SMAD2: variants seen among roughly 807,000 people sequenced by gnomAD.
SMAD2 encodes MAD homolog 2.
SMAD2 carries 8 observed loss-of-function variants against 64.4 expected under a neutral mutation model. The ratio of observed to expected loss-of-function variants is 0.12; its 90% CI spans 0.07 to 0.22. The LOEUF is 0.22. Among genes scored for constraint, SMAD2 ranks in the 10% least tolerant of loss-of-function variants. The pLI is 1.00. For synonymous variants in SMAD2, 203 were observed against 195.8 expected, an observed-to-expected ratio of 1.04 and a Z score of -0.31; for missense variants, 289 against 561.2, an observed-to-expected ratio of 0.51 and a Z score of 4.90.
Position 47,856,882 on chromosome 18 carries a change from G to C in SMAD2, c.731-5555C>G, listed in dbSNP as rs999580701. On this transcript the variant is annotated intron_variant, in intron 6 of 10. Coordinates refer to ENST00000262160, the MANE Select transcript of SMAD2 (RefSeq NM_005901.6). ...TTTTTTTTTTTTTTTTTTTGAGACG[G>C]AGTCTCGCTCTGTCGCCCAGGCTGG... is the stretch of plus-strand genomic sequence containing the variant. Among the ~76,000 whole-genome samples, 5 of 141,180 alleles carry C rather than the reference G, an allele frequency of 3.5e-5. No homozygotes were observed. The Admixed American group carries it at 3.6e-4, about 10-fold the overall frequency. The allele number at this position is 141,180 out of a possible 152,430, so 92.6% of individuals were successfully genotyped here. A position where few individuals can be genotyped will look rare whatever the true frequency, so the allele number is the denominator to read the frequency against.
In SMAD2 at chr18:47,814,385, G is replaced by C. The variant is rs1005206927; in HGVS notation, c.*27442C>G. 1.3e-5 allele frequency: 2 copies of C among 152,174 alleles called. No individual in the cohort carries two copies. The highest frequency in any genetic ancestry group is 4.8e-5 in the African/African-American group (2 of 41,442). The allele number at this position is 152,174 out of a possible 1,614,324, so 9.4% of individuals were successfully genotyped here. Reference sequence around the variant, plus strand: ...AGACTTTACTGAGAATGAGAAGGGAGTTCTACATGCTAAGAGCTCCATTCA... The same window carrying C: ...AGACTTTACTGAGAATGAGAAGGGACTTCTACATGCTAAGAGCTCCATTCA... On this transcript the variant is annotated 3_prime_UTR_variant, in exon 11 of 11. Coordinates refer to ENST00000262160, the MANE Select transcript of SMAD2 (RefSeq NM_005901.6).
At position 47,867,732 on chromosome 18, in the gene SMAD2, T is replaced by C. The variant is rs184947683; in HGVS notation, c.655+591A>G. Among the ~76,000 whole-genome samples the C allele has an allele frequency of 2.7e-5, 4 of 150,600 alleles. No individual in the cohort carries two copies. The East Asian group carries it at 7.8e-4, about 29-fold the overall frequency. ...CGTGGAGTATTACTGGATCACATAA[T>C]ACATCAGAACAAAATTTGAGAACCA... On this transcript the variant is annotated intron_variant, in intron 5 of 10. Coordinates refer to ENST00000262160, the MANE Select transcript of SMAD2 (RefSeq NM_005901.6).
At chr18:47,928,458 A>C (rs4940102) in intron 1 of SMAD2, among the ~76,000 whole-genome samples, 72,236 of 152,012 alleles carry the variant, frequency 0.48, 17,584 homozygotes, top group East Asian at 0.63. Context: ...AGGGGACAAC[A>C]ACCTCTGGCC....
chr18:47,841,251 C>T lies in SMAD2; in HGVS notation c.*576G>A, dbSNP rs1334509226. On this transcript the variant is annotated 3_prime_UTR_variant, in exon 11 of 11. Transcript: ENST00000262160. ...TTCAAAAGTTAATCCACTTTTCTTC[C>T]CCCAAGAGTTTATTTTTGGTAAAAG... 1 of 233,182 alleles carries T rather than the reference C, an allele frequency of 4.3e-6. No individual in the cohort carries two copies. Among genetic ancestry groups the T allele is most frequent in the African/African-American group, 2.2e-5 (1 of 45,204 alleles). 14.4% of individuals were successfully genotyped at this position (233,182 alleles called of 1,614,324 possible).
chr18:47,872,398 A>T (rs1197369185), intron 2 of SMAD2, among the ~76,000 whole-genome samples: 2 of 152,228 alleles, frequency 1.3e-5, no homozygotes, highest in Non-Finnish European at 2.9e-5. Context: ...AGAAAAAATA[A>T]GTAAATTTTT....
chr18:47,883,259 T>C (rs1746842914), intron 2 of SMAD2, among the ~76,000 whole-genome samples: 1 of 152,240 alleles, frequency 6.6e-6, no homozygotes. Flanking sequence ...ATTTTTCCCC[T>C]GAATAACCCA....
At chr18:47,914,027 A>C (rs1412223716) in intron 1 of SMAD2, among the ~76,000 whole-genome samples, 2 of 152,232 alleles carry the variant, frequency 1.3e-5, no homozygotes, top group African/African-American at 4.8e-5. Context: ...TAAGAGGTCT[A>C]ATTATCCTGA....
rs1052448792 is a variant in SMAD2, at chr18:47,824,130, G to A, written c.*17697C>T. 1.3e-5 allele frequency: 2 copies of A among 152,170 alleles called. No individual in the cohort carries two copies. Among genetic ancestry groups the A allele is most frequent in the African/African-American group, 4.8e-5 (2 of 41,438 alleles). 9.4% of individuals were successfully genotyped at this position (152,170 alleles called of 1,614,324 possible). ...ATTCTGTCACCAAGGGACAATCAAA[G>A]CCTAACTACAAGATGATTCATCATA... On this transcript the variant is annotated 3_prime_UTR_variant, in exon 11 of 11. Transcript: ENST00000262160.
chr18:47,904,488 G>A (rs2033824678), intron 1 of SMAD2, among the ~76,000 whole-genome samples: 1 of 151,934 alleles, frequency 6.6e-6, no homozygotes, highest in Non-Finnish European at 1.5e-5. Context: ...GCTACCACCA[G>A]TCCCAGACAA....
At position 47,840,156 on chromosome 18, in the gene SMAD2, G is replaced by T. The variant is rs968925929; in HGVS notation, c.*1671C>A. The T allele has an allele frequency of 8.6e-6, 2 of 232,880 alleles. No homozygotes were observed. The highest frequency in any genetic ancestry group is 5.6e-5 in the Admixed American group (1 of 17,768). The allele number at this position is 232,880 out of a possible 1,614,324, so 14.4% of individuals were successfully genotyped here. ...TATACACACAAATATAGGAAAATGG[G>T]GAGTACCCAATAGAAAACCACCAAA... On this transcript the variant is annotated 3_prime_UTR_variant, in exon 11 of 11. Transcript: ENST00000262160.
intron 1 of SMAD2, among the ~76,000 whole-genome samples, chr18:47,923,059 T>G (rs1234166981): frequency 6.6e-6 from 1 of 151,990 alleles, no homozygotes; most frequent in African/African-American, 2.4e-5. Flanking sequence ...CTACTTATTT[T>G]TTTTTTTTTA....
At chr18:47,896,297 A>C (rs1195766795) in intron 2 of SMAD2, among the ~76,000 whole-genome samples, 1 of 152,254 alleles carries the variant, frequency 6.6e-6, no homozygotes, top group Admixed American at 6.5e-5. Flanking sequence ...GTAGGCAATG[A>C]AGATAATAAA....
intron 1 of SMAD2, among the ~76,000 whole-genome samples, chr18:47,908,741 C>T (rs1225287940): frequency 6.6e-6 from 1 of 152,146 alleles, no homozygotes; most frequent in East Asian, 1.9e-4. Flanking sequence ...TCACGGTGAG[C>T]GGAAGTGTTG....
At position 47,816,999 on chromosome 18, in the gene SMAD2, G is replaced by A. The variant is rs1438240244; in HGVS notation, c.*24828C>T. 1.3e-5 allele frequency: 2 copies of A among 152,256 alleles called. No homozygotes were observed. The highest frequency in any genetic ancestry group is 1.5e-5 in the Non-Finnish European group (1 of 68,110). The allele number at this position is 152,256 out of a possible 1,614,324, so 9.4% of individuals were successfully genotyped here. ...GCTGGTCTCAAACTCCTGACCTCGTGATCGGCCCACCTCAGCCTCCCAAAG... is the reference window on the plus strand; with the variant it reads ...GCTGGTCTCAAACTCCTGACCTCGTAATCGGCCCACCTCAGCCTCCCAAAG... On this transcript the variant is annotated 3_prime_UTR_variant, in exon 11 of 11. Transcript: ENST00000262160.
chr18:47,915,160 C>T (rs548946914), intron 1 of SMAD2, among the ~76,000 whole-genome samples: 5 of 152,150 alleles, frequency 3.3e-5, no homozygotes, highest in African/African-American at 4.8e-5. Context: ...AAATAAGATA[C>T]GAATACAGCT....
At chr18:47,928,504 C>G (rs995764642) in intron 1 of SMAD2, among the ~76,000 whole-genome samples, 1 of 152,194 alleles carries the variant, frequency 6.6e-6, no homozygotes, top group Non-Finnish European at 1.5e-5. Context: ...TTTGTTCCTA[C>G]TAAAGTTCTG....
rs1371544085 is a variant in SMAD2, at chr18:47,822,724, A to T, written c.*19103T>A. 3 of 152,244 alleles carry T rather than the reference A, an allele frequency of 2.0e-5. No homozygotes were observed. Among genetic ancestry groups the T allele is most frequent in the African/African-American group, 4.8e-5 (2 of 41,462 alleles). 9.4% of individuals were successfully genotyped at this position (152,244 alleles called of 1,614,324 possible). On this transcript the variant is annotated 3_prime_UTR_variant, in exon 11 of 11. Transcript: ENST00000262160. ...AGACGGAGTCTCGCTCTGTTGCCCCAGCTGGAATGCAGTGGCACGATCTTG... is the reference window on the plus strand; with the variant it reads ...AGACGGAGTCTCGCTCTGTTGCCCCTGCTGGAATGCAGTGGCACGATCTTG...
intron 2 of SMAD2, among the ~76,000 whole-genome samples, chr18:47,875,978 T>C (rs2032241042): frequency 6.6e-6 from 1 of 152,024 alleles, no homozygotes; most frequent in African/African-American, 2.4e-5. Context: ...TACATTTAAA[T>C]AATATTAAAG....
At position 47,814,016 on chromosome 18, in the gene SMAD2, G is replaced by T. The variant is rs1244495958; in HGVS notation, c.*27811C>A. The T allele has an allele frequency of 6.6e-6, 1 of 152,108 alleles. No homozygotes were observed. The highest frequency in any genetic ancestry group is 2.4e-5 in the African/African-American group (1 of 41,412). 9.4% of individuals were successfully genotyped at this position (152,108 alleles called of 1,614,324 possible). A position where few individuals can be genotyped will look rare whatever the true frequency, so the allele number is the denominator to read the frequency against. The stretch of plus-strand genomic sequence containing the variant: ...GTGGTGGAGGTGATAACCTGAACTT[G>T]GCTTTGAGGAATAAAGAGTTTTATA... On this transcript the variant is annotated 3_prime_UTR_variant, in exon 11 of 11. Coordinates refer to ENST00000262160, the MANE Select transcript of SMAD2 (RefSeq NM_005901.6).
Sources: allele counts gnomAD v4.1 joint callset (sites outside exome capture counted in the v4.1 genomes callset), GRCh38; gene constraint gnomAD v4.1.1; transcripts MANE v1.5; gene names NCBI Gene and HGNC (gene_info 2026-07-23, HGNC 2026-07-21).